Variants in NRG3 observed in about 807,000 individuals in gnomAD.
NRG3 encodes neuregulin 3.
In NRG3, 31 loss-of-function variants were observed where a neutral mutation model predicts 66.9. The ratio of observed to expected loss-of-function variants is 0.46; its 90% CI spans 0.35 to 0.63. The LOEUF (loss-of-function observed/expected upper bound fraction) is 0.63, where lower values mean the gene tolerates loss of function less well. Among genes scored for constraint, NRG3 ranks in the 20% least tolerant of loss-of-function variants. NRG3 has a pLI of 0.00. For missense variants in NRG3, 910 were observed against 878.9 expected (o/e 1.04, Z -0.45); for synonymous variants, 393 against 359.4 (o/e 1.09, Z -1.06).
chr10:82,647,696 T>C (rs564282562), intron 2 of NRG3, among the ~76,000 whole-genome samples: 1,564 of 151,830 alleles, frequency 0.01, 25 homozygotes, highest in African/African-American at 0.037. Context: ...TGATTGCCAT[T>C]CTAACTGGTG....
intron 1 of NRG3, among the ~76,000 whole-genome samples, chr10:82,176,633 G>C (rs1462618869): frequency 6.6e-6 from 1 of 152,048 alleles, no homozygotes; most frequent in Admixed American, 6.6e-5. Context: ...GAATGCTGTA[G>C]AGTTGCCTGT....
chr10:82,432,601 A>T (rs1260553938), intron 2 of NRG3, among the ~76,000 whole-genome samples: 1 of 150,872 alleles, frequency 6.6e-6, no homozygotes, highest in Non-Finnish European at 1.5e-5. Flanking sequence ...CCGTCCTCTA[A>T]GTTCCCTCCT....
chr10:82,759,904 C>T (rs1490221448), intron 3 of NRG3, among the ~76,000 whole-genome samples: 1 of 151,980 alleles, frequency 6.6e-6, no homozygotes, highest in African/African-American at 2.4e-5. Context: ...ACAGTCGGCA[C>T]AAGACACACA....
intron 4 of NRG3, among the ~76,000 whole-genome samples, chr10:82,889,854 C>T (rs938592254): frequency 6.6e-6 from 1 of 152,112 alleles, no homozygotes; most frequent in Non-Finnish European, 1.5e-5. Flanking sequence ...AGGAGTGTTC[C>T]TTAAGAATCC....
intron 1 of NRG3, among the ~76,000 whole-genome samples, chr10:82,055,143 A>T (rs1266819827): frequency 6.6e-6 from 1 of 152,108 alleles, no homozygotes; most frequent in Non-Finnish European, 1.5e-5. Context: ...CTGACAGGTC[A>T]AATAAAATGA....
chr10:82,594,315 A>G (rs932775295), intron 2 of NRG3, among the ~76,000 whole-genome samples: 1 of 152,190 alleles, frequency 6.6e-6, no homozygotes, highest in Admixed American at 6.5e-5. Context: ...TGTCTAGCCT[A>G]TCCAGTTTTA....
rs1041519984 is a variant in NRG3, at chr10:82,298,882, G to T, written c.824-59857G>T. ...AATGTAGATTCCATCTTCTCATACG[G>T]AGGTGTTCATTGGGGTTGTGGGAGA... On this transcript the variant is annotated intron_variant, in intron 1 of 8. Coordinates refer to ENST00000372141, the MANE Select transcript of NRG3 (RefSeq NM_001010848.4). Among the ~76,000 whole-genome samples, 4 of 152,320 alleles carry T rather than the reference G, an allele frequency of 2.6e-5. No homozygotes were observed. In the South Asian group the frequency reaches 8.3e-4, roughly 32 times the overall value.
intron 2 of NRG3, among the ~76,000 whole-genome samples, chr10:82,554,390 C>T (rs1047484105): frequency 2.6e-5 from 4 of 151,976 alleles, no homozygotes; most frequent in Non-Finnish European, 5.9e-5. Flanking sequence ...CACTGTACCC[C>T]GTGAATACAT....
At chr10:82,807,567 G>A (rs1462669620) in intron 3 of NRG3, among the ~76,000 whole-genome samples, 3 of 152,094 alleles carry the variant, frequency 2.0e-5, no homozygotes, top group Non-Finnish European at 4.4e-5. Flanking sequence ...CTTTCTTGTT[G>A]GAATTTAAAG....
At chr10:82,935,915 T>C (rs1413733099) in intron 4 of NRG3, among the ~76,000 whole-genome samples, 2 of 152,066 alleles carry the variant, frequency 1.3e-5, no homozygotes, top group African/African-American at 4.8e-5. Flanking sequence ...ACATATGGTA[T>C]GATTCTATTT....
chr10:82,214,467 C>T (rs527281420), intron 1 of NRG3, among the ~76,000 whole-genome samples: 1 of 152,158 alleles, frequency 6.6e-6, no homozygotes, highest in Admixed American at 6.5e-5. Flanking sequence ...ACATCTATTT[C>T]CACCCCCCGC....
chr10:82,117,270 C>T (rs1246240360), intron 1 of NRG3, among the ~76,000 whole-genome samples: 1 of 152,110 alleles, frequency 6.6e-6, no homozygotes, highest in African/African-American at 2.4e-5. Context: ...GAGTGTCCAT[C>T]TGTCTTTGCT....
At chr10:82,349,815 G>A (rs1339732647) in intron 1 of NRG3, among the ~76,000 whole-genome samples, 2 of 152,328 alleles carry the variant, frequency 1.3e-5, no homozygotes, top group Non-Finnish European at 2.9e-5. Context: ...TCGGGTGGGA[G>A]TGACCCGATT....
In NRG3 at chr10:82,794,754, G is replaced by A. The variant is rs150283996; in HGVS notation, c.1027+56104G>A. Among the ~76,000 whole-genome samples, 47 of 152,042 alleles carry A rather than the reference G, an allele frequency of 3.1e-4. No individual in the cohort carries two copies. In the East Asian group the frequency reaches 7.9e-3, roughly 26 times the overall value. On this transcript the variant is annotated intron_variant, in intron 3 of 8. Coordinates refer to ENST00000372141, the MANE Select transcript of NRG3 (RefSeq NM_001010848.4). ...CTTAGAGATGAATTTTAAATACATC[G>A]AAGAGTAAAATGCTCTGTTACCAGA...
At chr10:82,821,844 C>T (rs2061966190) in intron 3 of NRG3, among the ~76,000 whole-genome samples, 1 of 152,172 alleles carries the variant, frequency 6.6e-6, no homozygotes, top group Non-Finnish European at 1.5e-5. Flanking sequence ...AAGGCTGACA[C>T]TCAATGTATA....
intron 4 of NRG3, among the ~76,000 whole-genome samples, chr10:82,872,915 CT>C (rs1463921204): frequency 3.3e-5 from 5 of 152,126 alleles, no homozygotes; most frequent in Admixed American, 6.6e-5. Context: ...TTCAGTCTTT[CT>C]TCCTGTATCT....
intron 1 of NRG3, among the ~76,000 whole-genome samples, chr10:81,882,853 A>T (rs1365351024): frequency 6.6e-6 from 1 of 152,086 alleles, no homozygotes; most frequent in African/African-American, 2.4e-5. Context: ...GTGGAGTCCT[A>T]CCTCAAATCA....
intron 3 of NRG3, among the ~76,000 whole-genome samples, chr10:82,785,243 T>C (rs1006113344): frequency 1.3e-5 from 2 of 151,838 alleles, no homozygotes; most frequent in African/African-American, 4.8e-5. Flanking sequence ...TTAGGAGATA[T>C]ACCTAATGCT....
chr10:82,533,072 C>T (rs927864170), intron 2 of NRG3, among the ~76,000 whole-genome samples: 18 of 151,026 alleles, frequency 1.2e-4, no homozygotes, highest in Admixed American at 2.6e-4. Flanking sequence ...TTTACATATA[C>T]CTGTTGGCTA....
Sources: allele counts gnomAD v4.1 joint callset (sites outside exome capture counted in the v4.1 genomes callset), GRCh38; gene constraint gnomAD v4.1.1; transcripts MANE v1.5; gene names NCBI Gene and HGNC (gene_info 2026-07-23, HGNC 2026-07-21).